The following FUT8 variants were observed in gnomAD, a reference collection of about 807,000 sequenced individuals.
The protein encoded by FUT8 is alpha-(1,6)-fucosyltransferase.
FUT8 carries 29 observed loss-of-function variants against 71.3 expected under a neutral mutation model. The observed-to-expected ratio is 0.41, with a 90% confidence interval of 0.30 to 0.55. The LOEUF (loss-of-function observed/expected upper bound fraction) is 0.55. FUT8 is among the 20% of genes least tolerant of loss of function. The pLI, the probability that FUT8 is intolerant of heterozygous loss-of-function variation, is 0.34. For missense variants in FUT8, 544 were observed against 702.1 expected (o/e 0.77, Z 2.55); for synonymous variants, 254 against 239.3 (o/e 1.06, Z -0.57).
At chr14:65,735,669 T>C (rs1434002632) in intron 10 of FUT8, among the ~76,000 whole-genome samples, 3 of 152,026 alleles carry the variant, frequency 2.0e-5, no homozygotes, top group South Asian at 2.1e-4. Context: ...ATTTATATAG[T>C]GAGTAGCAGT....
intron 3 of FUT8, among the ~76,000 whole-genome samples, chr14:65,589,662 T>A (rs1332805769): frequency 3.9e-5 from 6 of 152,014 alleles, no homozygotes; most frequent in African/African-American, 2.4e-5. Context: ...GCCAGGATGG[T>A]CTCGATCTCC....
chr14:65,440,585 C>G (rs1416087627), intron 1 of FUT8, among the ~76,000 whole-genome samples: 1 of 152,150 alleles, frequency 6.6e-6, no homozygotes, highest in Non-Finnish European at 1.5e-5. Flanking sequence ...ACAGCGTACA[C>G]ATATATGAAA....
intron 1 of FUT8, among the ~76,000 whole-genome samples, chr14:65,442,239 G>T (rs910490248): frequency 6.6e-6 from 1 of 150,980 alleles, no homozygotes; most frequent in Admixed American, 6.6e-5. Flanking sequence ...GCAGTGGCGC[G>T]ATCTCGGCTC....
intron 2 of FUT8, among the ~76,000 whole-genome samples, chr14:65,470,337 G>T (rs1354701851): frequency 2.6e-5 from 4 of 152,208 alleles, no homozygotes; most frequent in Non-Finnish European, 4.4e-5. Flanking sequence ...AGCTGCAGCT[G>T]TATGGGGTTG....
chr14:65,530,819 C>G (rs942262269), intron 2 of FUT8, among the ~76,000 whole-genome samples: 3 of 150,706 alleles, frequency 2.0e-5, no homozygotes, highest in Non-Finnish European at 4.4e-5. Context: ...CTCTTTCTCT[C>G]TCTCTCTCTC....
At chr14:65,598,674 G>C (rs1411052851) in intron 3 of FUT8, among the ~76,000 whole-genome samples, 1 of 152,138 alleles carries the variant, frequency 6.6e-6, no homozygotes, top group African/African-American at 2.4e-5. Context: ...AATTATGGAG[G>C]AAAATAATGT....
intron 7 of FUT8, among the ~76,000 whole-genome samples, chr14:65,683,350 T>C (rs1263532815): frequency 6.6e-6 from 1 of 152,208 alleles, no homozygotes; most frequent in Non-Finnish European, 1.5e-5. Flanking sequence ...TGTAATTTTA[T>C]AATGCATTTG....
At chr14:65,557,657 G>A (rs911430923) in intron 2 of FUT8, among the ~76,000 whole-genome samples, 1 of 149,710 alleles carries the variant, frequency 6.7e-6, no homozygotes, top group African/African-American at 2.4e-5. Flanking sequence ...AAAAAAAAAA[G>A]TGATATCACT....
intron 1 of FUT8, among the ~76,000 whole-genome samples, chr14:65,446,091 CTG>C (rs1289688976): frequency 6.6e-6 from 1 of 152,186 alleles, no homozygotes; most frequent in Non-Finnish European, 1.5e-5. Flanking sequence ...TCCTTAGACA[CTG>C]TAATACTACG....
intron 2 of FUT8, among the ~76,000 whole-genome samples, chr14:65,491,746 A>AT (rs1249173980): frequency 1.3e-5 from 2 of 152,170 alleles, no homozygotes; most frequent in African/African-American, 4.8e-5. Context: ...TTAACAGAAA[A>AT]TCTTTTAGGA....
At chr14:65,601,283 A>G (rs1469578551) in intron 3 of FUT8, among the ~76,000 whole-genome samples, 1 of 152,210 alleles carries the variant, frequency 6.6e-6, no homozygotes, top group Non-Finnish European at 1.5e-5. Context: ...TGGCTTCTCC[A>G]TGTATCGAAT....
chr14:65,593,766 G>T (rs1887816912), intron 3 of FUT8, among the ~76,000 whole-genome samples: 1 of 152,104 alleles, frequency 6.6e-6, no homozygotes, highest in South Asian at 2.1e-4. Flanking sequence ...AATAGAGATG[G>T]GGTTTCTCCA....
chr14:65,704,591 GGACT>G (rs1894469506), intron 7 of FUT8, among the ~76,000 whole-genome samples: 1 of 152,116 alleles, frequency 6.6e-6, no homozygotes, highest in Non-Finnish European at 1.5e-5. Flanking sequence ...GTCTAGCCAT[GGACT>G]CATAGGGTCT....
At chr14:65,531,627 ATTAG>A (rs1883961561) in intron 2 of FUT8, among the ~76,000 whole-genome samples, 1 of 152,134 alleles carries the variant, frequency 6.6e-6, no homozygotes, top group African/African-American at 2.4e-5. Context: ...TTTTTGAACT[ATTAG>A]TTTAGGTTCA....
chr14:65,722,410 C>T (rs905475181), intron 8 of FUT8, among the ~76,000 whole-genome samples: 1 of 152,150 alleles, frequency 6.6e-6, no homozygotes, highest in Non-Finnish European at 1.5e-5. Context: ...CCTCAGCCTC[C>T]CAAGTATAAT....
At chr14:65,634,036 C>A (rs1034938396) in intron 6 of FUT8, among the ~76,000 whole-genome samples, 2 of 152,238 alleles carry the variant, frequency 1.3e-5, no homozygotes, top group African/African-American at 2.4e-5. Flanking sequence ...AGCCCCTCTG[C>A]CCGGCCACCA....
At chr14:65,474,441 GAAAA>G (rs398025445) in intron 2 of FUT8, among the ~76,000 whole-genome samples, 1 of 39,698 alleles carries the variant, frequency 2.5e-5, no homozygotes. Context: ...TGTCTCTACT[GAAAA>G]AAAAAAAAAA....
rs1321485631 is a variant in FUT8 at position 65,574,024 on chromosome 14, C to G, written c.203+12258C>G. On this transcript the variant is annotated intron_variant, in intron 3 of 10. Coordinates refer to ENST00000673929, the MANE Select transcript of FUT8 (RefSeq NM_001371533.1). This position sits in a 1 kb window ranked among gnomAD's most constrained non-coding sequence, Gnocchi z 5.2. ...CTCACAAAGGTACAAAAGGTGTTGA[C>G]TGGGTCTGCAGTTTATTTCAAGGCT... Among the ~76,000 whole-genome samples, 1 of 152,098 alleles carries G rather than the reference C, an allele frequency of 6.6e-6. No individual in the cohort carries two copies. The highest frequency in any genetic ancestry group is 1.5e-5 in the Non-Finnish European group (1 of 68,034).
At position 65,660,477 on chromosome 14, in the gene FUT8, G is replaced by T. The variant is rs750307703; in HGVS notation, c.598-8766G>T. On this transcript the variant is annotated intron_variant, in intron 6 of 10. Coordinates refer to ENST00000673929, the MANE Select transcript of FUT8 (RefSeq NM_001371533.1). This position sits in a 1 kb window ranked among gnomAD's most constrained non-coding sequence, Gnocchi z 4.1. ...CATATAGTAACTATCTGCCTTTGCT[G>T]CAGTCTTTCAGTCTATAAACTCTGT... Among the ~76,000 whole-genome samples the T allele has an allele frequency of 5.9e-5, 9 of 152,126 alleles. No homozygotes were observed. The highest frequency in any genetic ancestry group is 1.3e-4 in the Non-Finnish European group (9 of 68,002).
Sources: allele counts gnomAD v4.1 joint callset (sites outside exome capture counted in the v4.1 genomes callset), GRCh38; gene constraint gnomAD v4.1.1; non-coding constraint Gnocchi (gnomAD v3.1); transcripts MANE v1.5; gene names NCBI Gene and HGNC (gene_info 2026-07-23, HGNC 2026-07-21).